Variants in PCDH9 observed in about 807,000 individuals in gnomAD.
PCDH9 encodes the protein protocadherin 9.
PCDH9 carries 24 observed loss-of-function variants against 70.6 expected under a neutral mutation model. The observed-to-expected ratio is 0.34, with a 90% CI of 0.25 to 0.48. PCDH9 has a LOEUF of 0.48. Ranked by LOEUF, PCDH9 falls within the 20% of genes least tolerant of loss-of-function variation. The pLI, the probability that PCDH9 is intolerant of heterozygous loss-of-function variation, is 0.99. For synonymous variants in PCDH9, 562 were observed against 558.5 expected (o/e 1.01, Z -0.09); for missense variants, 1,281 against 1,503.6 (o/e 0.85, Z 2.45).
chr13:66,730,876 G>GTTTTTTTTTTTTTTTTTTTTTTT (rs758928616), intron 3 of PCDH9, among the ~76,000 whole-genome samples: 4 of 46,358 alleles, frequency 8.6e-5, no homozygotes, highest in Admixed American at 3.0e-4. Context: ...GTGTGTGTGT[G>GTTTTTTTTTTTTTTTTTTTTTTT]TTTTTTTTTT....
chr13:66,734,207 A>T (rs2079113875), intron 3 of PCDH9, among the ~76,000 whole-genome samples: 1 of 152,218 alleles, frequency 6.6e-6, no homozygotes, highest in Admixed American at 6.5e-5. Context: ...ATGCCTACAT[A>T]ATGAAAGCCC....
At chr13:66,696,761 C>T (rs112854363) in intron 3 of PCDH9, among the ~76,000 whole-genome samples, 1 of 150,006 alleles carries the variant, frequency 6.7e-6, no homozygotes, top group Non-Finnish European at 1.5e-5. Flanking sequence ...GAAAGAGAAA[C>T]CTTGCTGGTT....
chr13:66,445,085 TATA>T (rs989488010), intron 4 of PCDH9, among the ~76,000 whole-genome samples: 53 of 147,328 alleles, frequency 3.6e-4, no homozygotes, highest in Middle Eastern at 3.6e-3. Flanking sequence ...ATCTATCATA[TATA>T]ATATTATATA....
intron 4 of PCDH9, among the ~76,000 whole-genome samples, chr13:66,436,761 G>T (rs1355220916): frequency 6.6e-6 from 1 of 152,016 alleles, no homozygotes; most frequent in Non-Finnish European, 1.5e-5. Context: ...ATTGTATAAA[G>T]TTATATATAA....
intron 2 of PCDH9, among the ~76,000 whole-genome samples, chr13:67,043,279 G>A (rs945470212): frequency 6.6e-6 from 1 of 152,148 alleles, no homozygotes; most frequent in Non-Finnish European, 1.5e-5. Flanking sequence ...CTGAGAGAGT[G>A]ATTGGCATCT....
chr13:66,539,796 C>T (rs1373917784), intron 4 of PCDH9, among the ~76,000 whole-genome samples: 14 of 151,348 alleles, frequency 9.3e-5, no homozygotes, highest in Non-Finnish European at 1.8e-4. Flanking sequence ...AAAATTATTT[C>T]TAAGAGATAC....
intron 3 of PCDH9, among the ~76,000 whole-genome samples, chr13:66,686,488 C>A (rs2139072929): frequency 6.6e-6 from 1 of 152,248 alleles, no homozygotes. Flanking sequence ...AATACATCAT[C>A]TAAGATAGTC....
intron 3 of PCDH9, among the ~76,000 whole-genome samples, chr13:66,840,803 A>T (rs1323545074): frequency 3.3e-5 from 5 of 152,234 alleles, no homozygotes; most frequent in African/African-American, 1.2e-4. Flanking sequence ...AACAAGTAAG[A>T]TTTCAATTAC....
intron 4 of PCDH9, among the ~76,000 whole-genome samples, 158 bp downstream of exon 4, chr13:66,631,052 A>G (rs968529114): frequency 1.3e-5 from 2 of 152,194 alleles, no homozygotes; most frequent in Admixed American, 6.5e-5. Flanking sequence ...CATATCAAAC[A>G]TATTAAATGT....
chr13:66,675,854 T>A (rs540855392), intron 3 of PCDH9, among the ~76,000 whole-genome samples: 1 of 152,318 alleles, frequency 6.6e-6, no homozygotes, highest in East Asian at 1.9e-4. Flanking sequence ...GTCAGTTAAG[T>A]ACTCTGCCAG....
chr13:67,145,988 C>A (rs1378894192), intron 2 of PCDH9, among the ~76,000 whole-genome samples: 1 of 152,032 alleles, frequency 6.6e-6, no homozygotes, highest in Non-Finnish European at 1.5e-5. Flanking sequence ...TCTCAACTTG[C>A]AAGGCAATAA....
chr13:66,954,702 C>T (rs975842999), intron 2 of PCDH9, among the ~76,000 whole-genome samples: 1 of 152,206 alleles, frequency 6.6e-6, no homozygotes, highest in Admixed American at 6.5e-5. Context: ...TGCCCTCCCT[C>T]TCACAGACCA....
At chr13:66,864,845 T>A (rs1259714420) in intron 3 of PCDH9, among the ~76,000 whole-genome samples, 1 of 152,200 alleles carries the variant, frequency 6.6e-6, no homozygotes, top group African/African-American at 2.4e-5. Context: ...AGCTGACCAG[T>A]TGCCTGGAAA....
intron 3 of PCDH9, among the ~76,000 whole-genome samples, chr13:66,637,071 T>C (rs2077647839): frequency 6.6e-6 from 1 of 152,160 alleles, no homozygotes; most frequent in African/African-American, 2.4e-5. Context: ...CACAATTTAA[T>C]TGTAATTTAT....
chr13:66,981,571 G>C (rs1594345723), intron 2 of PCDH9, among the ~76,000 whole-genome samples: 1 of 151,014 alleles, frequency 6.6e-6, no homozygotes, highest in Admixed American at 6.6e-5. Context: ...TAAACTTATT[G>C]AATTATTACA....
intron 3 of PCDH9, among the ~76,000 whole-genome samples, chr13:66,636,339 G>A (rs1427349720): frequency 1.3e-5 from 2 of 151,998 alleles, no homozygotes; most frequent in Non-Finnish European, 2.9e-5. Context: ...CTTGAGCTAA[G>A]GTATGCCAAA....
chr13:67,141,997 A>G (rs1233658239), intron 2 of PCDH9, among the ~76,000 whole-genome samples: 3 of 152,162 alleles, frequency 2.0e-5, no homozygotes, highest in Admixed American at 1.3e-4. Context: ...AAAATTATAT[A>G]TGACTACCTA....
At chr13:67,198,917 T>TA (rs1024850221) in intron 2 of PCDH9, among the ~76,000 whole-genome samples, 1 of 151,710 alleles carries the variant, frequency 6.6e-6, no homozygotes. Context: ...TATAATTTTT[T>TA]AAAAAAAGAA....
intron 2 of PCDH9, among the ~76,000 whole-genome samples, chr13:66,906,439 G>A (rs906068823): frequency 2.0e-5 from 3 of 152,152 alleles, no homozygotes; most frequent in Admixed American, 2.0e-4. Context: ...CTTAATATAA[G>A]GGCCAACAGT....
Sources: allele counts gnomAD v4.1 joint callset (sites outside exome capture counted in the v4.1 genomes callset), GRCh38; gene constraint gnomAD v4.1.1; transcripts MANE v1.5; gene names NCBI Gene and HGNC (gene_info 2026-07-23, HGNC 2026-07-21).